The following AUTS2 variants were observed in gnomAD, a reference collection of about 807,000 sequenced individuals.
AUTS2 encodes activator of transcription and developmental regulator AUTS2.
In AUTS2, 17 loss-of-function variants were observed where a neutral mutation model predicts 112.4. The observed-to-expected ratio is 0.15, with a 90% confidence interval of 0.10 to 0.23. The LOEUF (loss-of-function observed/expected upper bound fraction) is 0.23. Ranked by LOEUF, AUTS2 falls within the 10% of genes least tolerant of loss-of-function variation. The pLI is 1.00. For missense variants in AUTS2, 1,510 were observed against 1,701.6 expected, an observed-to-expected ratio of 0.89 and a Z score of 1.98; for synonymous variants, 751 against 702.7, an observed-to-expected ratio of 1.07 and a Z score of -1.09.
intron 6 of AUTS2, among the ~76,000 whole-genome samples, chr7:70,739,630 A>G (rs1787985647): frequency 6.6e-6 from 1 of 152,116 alleles, no homozygotes. Flanking sequence ...CTAAAGTTGT[A>G]GAATCTTTTG....
At chr7:69,828,032 G>A (rs1203261175) in intron 1 of AUTS2, among the ~76,000 whole-genome samples, 1 of 152,242 alleles carries the variant, frequency 6.6e-6, no homozygotes, top group South Asian at 2.1e-4. Flanking sequence ...TGATCAATGG[G>A]TTGGGAAACA....
At chr7:70,405,625 G>A (rs1249224070) in intron 4 of AUTS2, among the ~76,000 whole-genome samples, 2 of 152,214 alleles carry the variant, frequency 1.3e-5, no homozygotes, top group Non-Finnish European at 2.9e-5. Flanking sequence ...GTTGACAAAA[G>A]TGTGAAATGG....
At chr7:70,762,720 G>C in intron 6 of AUTS2, 150 bp from the exon 7 acceptor site, 1 of 688,286 alleles carries the variant, frequency 1.5e-6, no homozygotes, top group Non-Finnish European at 2.6e-6. Flanking sequence ...GCATACCCCC[G>C]CAGGTGGTGG....
chr7:69,604,952 C>T (rs556109542), intron 1 of AUTS2, among the ~76,000 whole-genome samples: 1 of 152,324 alleles, frequency 6.6e-6, no homozygotes, highest in African/African-American at 2.4e-5. Context: ...GAGTGATCTA[C>T]CGCCAAATAG....
At chr7:70,018,398 G>T (rs1015078583) in intron 2 of AUTS2, among the ~76,000 whole-genome samples, 3 of 152,120 alleles carry the variant, frequency 2.0e-5, no homozygotes, top group Non-Finnish European at 4.4e-5. Flanking sequence ...GGACTGAAGG[G>T]TATACCAGGA....
chr7:70,340,967 T>G (rs926825568), intron 4 of AUTS2, among the ~76,000 whole-genome samples: 1 of 152,184 alleles, frequency 6.6e-6, no homozygotes, highest in African/African-American at 2.4e-5. Context: ...CATATGAAAC[T>G]CAAAACCCAC....
At chr7:70,541,873 A>G (rs1800566393) in intron 5 of AUTS2, among the ~76,000 whole-genome samples, 1 of 152,228 alleles carries the variant, frequency 6.6e-6, no homozygotes, top group Non-Finnish European at 1.5e-5. Flanking sequence ...GCAGAACTAC[A>G]TATGCAGTGT....
At chr7:69,616,549 G>A (rs1793385854) in intron 1 of AUTS2, among the ~76,000 whole-genome samples, 1 of 152,178 alleles carries the variant, frequency 6.6e-6, no homozygotes, top group Non-Finnish European at 1.5e-5. Context: ...CTATCTGGCT[G>A]TAAATATTCT....
At chr7:70,444,820 G>C (rs1796258676) in intron 5 of AUTS2, among the ~76,000 whole-genome samples, 1 of 152,130 alleles carries the variant, frequency 6.6e-6, no homozygotes, top group South Asian at 2.1e-4. Flanking sequence ...TTGAAATAAG[G>C]AAAGACCAGT....
intron 6 of AUTS2, among the ~76,000 whole-genome samples, chr7:70,753,789 A>C (rs1159397958): frequency 6.6e-6 from 1 of 152,230 alleles, no homozygotes; most frequent in Non-Finnish European, 1.5e-5. Context: ...TTTAATACGT[A>C]TATACAATGT....
chr7:69,695,140 C>A (rs1318632846), intron 1 of AUTS2, among the ~76,000 whole-genome samples: 1 of 151,816 alleles, frequency 6.6e-6, no homozygotes, highest in Non-Finnish European at 1.5e-5. Flanking sequence ...TTGGGAAACA[C>A]AGTGAGACTC....
chr7:70,473,329 T>C (rs1364245107), intron 5 of AUTS2, among the ~76,000 whole-genome samples: 2 of 152,232 alleles, frequency 1.3e-5, no homozygotes, highest in African/African-American at 4.8e-5. Context: ...CATAATGGCC[T>C]GGCAACAAAC....
At chr7:70,067,224 C>A (rs555995137) in intron 2 of AUTS2, among the ~76,000 whole-genome samples, 2 of 152,276 alleles carry the variant, frequency 1.3e-5, no homozygotes, top group South Asian at 4.1e-4. Flanking sequence ...CATTTAACTT[C>A]TCTTAATTAA....
chr7:70,248,172 A>G (rs549018939), intron 4 of AUTS2, among the ~76,000 whole-genome samples: 3 of 152,264 alleles, frequency 2.0e-5, no homozygotes, highest in Admixed American at 2.0e-4. Context: ...GTTGTCTTGT[A>G]GTGTTTTTCT....
chr7:70,225,302 A>G (rs1420409627), intron 4 of AUTS2, among the ~76,000 whole-genome samples: 1 of 152,184 alleles, frequency 6.6e-6, no homozygotes, highest in Admixed American at 6.5e-5. Flanking sequence ...ACAGTTTTTA[A>G]AAGTTAATTT....
intron 1 of AUTS2, among the ~76,000 whole-genome samples, chr7:69,828,715 T>C (rs968664355): frequency 2.0e-5 from 3 of 152,182 alleles, no homozygotes; most frequent in Non-Finnish European, 4.4e-5. Flanking sequence ...TATTATATTG[T>C]AATGTCCAGT....
At chr7:70,596,057 T>G (rs1803185282) in intron 5 of AUTS2, 1 of 152,216 alleles carries the variant, frequency 6.6e-6, no homozygotes, top group Non-Finnish European at 1.5e-5. Flanking sequence ...GGCCCGGGAA[T>G]AAATTGTCAA....
At chr7:69,655,667 A>G (rs1554341137) in intron 1 of AUTS2, among the ~76,000 whole-genome samples, 1 of 152,194 alleles carries the variant, frequency 6.6e-6, no homozygotes, top group Non-Finnish European at 1.5e-5. Context: ...GGCCCCACCC[A>G]GAGATGAGCT....
chr7:70,458,514 C>T (rs1796837749), intron 5 of AUTS2, among the ~76,000 whole-genome samples: 1 of 152,150 alleles, frequency 6.6e-6, no homozygotes, highest in African/African-American at 2.4e-5. Flanking sequence ...TTTCAAAATT[C>T]AAGGTTTTAG....
Sources: gnomAD v4.1 joint callset for allele counts (sites outside exome capture counted in the v4.1 genomes callset) on GRCh38, gnomAD v4.1.1 for gene constraint, MANE v1.5 for transcripts, NCBI Gene and HGNC (gene_info 2026-07-23, HGNC 2026-07-21) for gene names.